The following XPR1 variants were observed in gnomAD, a reference collection of about 807,000 sequenced individuals.
XPR1 encodes xenotropic and polytropic retrovirus receptor 1.
A neutral mutation model predicts 87.5 loss-of-function variants in XPR1; 28 were observed. The ratio of observed to expected loss-of-function variants is 0.32; its 90% CI spans 0.24 to 0.44. The LOEUF (loss-of-function observed/expected upper bound fraction) is 0.44. Among genes scored for constraint, XPR1 ranks in the 20% least tolerant of loss-of-function variants. XPR1 has a pLI of 1.00. For missense variants in XPR1, 559 were observed against 862.3 expected, an observed-to-expected ratio of 0.65 and a Z score of 4.41; for synonymous variants, 300 against 306.1, an observed-to-expected ratio of 0.98 and a Z score of 0.21.
At chr1:180,678,673 C>G (rs1458281138) in intron 1 of XPR1, among the ~76,000 whole-genome samples, 1 of 152,076 alleles carries the variant, frequency 6.6e-6, no homozygotes, top group Non-Finnish European at 1.5e-5. Flanking sequence ...AAAAATACAT[C>G]AATTTAAAAA....
chr1:180,857,534 A>G (rs1652077070), intron 11 of XPR1, among the ~76,000 whole-genome samples: 1 of 152,096 alleles, frequency 6.6e-6, no homozygotes, highest in South Asian at 2.1e-4. Flanking sequence ...AACTTGTTTA[A>G]CTCAAGTCCT....
intron 1 of XPR1, among the ~76,000 whole-genome samples, chr1:180,668,282 C>A (rs181254358): frequency 6.6e-6 from 1 of 152,158 alleles, no homozygotes; most frequent in East Asian, 1.9e-4. Flanking sequence ...GCATATGCCA[C>A]CACGTCTGGC....
At chr1:180,746,128 C>T (rs1220321046) in intron 2 of XPR1, among the ~76,000 whole-genome samples, 2 of 151,780 alleles carry the variant, frequency 1.3e-5, no homozygotes, top group Non-Finnish European at 2.9e-5. Flanking sequence ...TTTAGGTGTA[C>T]CAAGTGGGTT....
At chr1:180,864,734 A>G (rs1402960017) in intron 12 of XPR1, among the ~76,000 whole-genome samples, 1 of 152,192 alleles carries the variant, frequency 6.6e-6, no homozygotes, top group African/African-American at 2.4e-5. Flanking sequence ...AATCAAAAAT[A>G]TCTGTACTCA....
At chr1:180,874,583 G>A (rs558977529) in intron 13 of XPR1, among the ~76,000 whole-genome samples, 6 of 152,056 alleles carry the variant, frequency 3.9e-5, no homozygotes, top group Middle Eastern at 3.4e-3. Context: ...CCAGCTACTC[G>A]GGAGGCTGAG....
chr1:180,813,174 C>G (rs748101581), intron 7 of XPR1, among the ~76,000 whole-genome samples: 1 of 149,288 alleles, frequency 6.7e-6, no homozygotes, highest in Non-Finnish European at 1.5e-5. Flanking sequence ...TGGGCCTTTC[C>G]GATATTATAT....
intron 2 of XPR1, among the ~76,000 whole-genome samples, chr1:180,766,162 T>A (rs886455201): frequency 2.6e-5 from 4 of 152,204 alleles, no homozygotes; most frequent in African/African-American, 9.6e-5. Flanking sequence ...ATTTAATATC[T>A]GCATTTGTTG....
At chr1:180,686,504 G>A (rs757843864) in intron 2 of XPR1, among the ~76,000 whole-genome samples, 4 of 152,066 alleles carry the variant, frequency 2.6e-5, no homozygotes, top group African/African-American at 7.2e-5. Flanking sequence ...TATTAGGTCC[G>A]CTTGGTGCAG....
intron 2 of XPR1, among the ~76,000 whole-genome samples, chr1:180,750,730 A>T (rs145400139): frequency 6.6e-6 from 1 of 152,186 alleles, no homozygotes; most frequent in East Asian, 1.9e-4. Flanking sequence ...AACTTTTCTT[A>T]AATTTCCATA....
At chr1:180,872,852 C>A (rs960190644) in intron 12 of XPR1, among the ~76,000 whole-genome samples, 2 of 152,024 alleles carry the variant, frequency 1.3e-5, no homozygotes, top group South Asian at 4.2e-4. Context: ...CCGGATTATT[C>A]TTATTACACA....
chr1:180,679,255 C>T (rs1656477572), intron 1 of XPR1, among the ~76,000 whole-genome samples: 1 of 152,000 alleles, frequency 6.6e-6, no homozygotes, highest in Non-Finnish European at 1.5e-5. Flanking sequence ...TTTACTTCTT[C>T]CTTTTTGGTA....
intron 11 of XPR1, among the ~76,000 whole-genome samples, chr1:180,848,443 A>G (rs1048673141): frequency 1.3e-5 from 2 of 152,172 alleles, no homozygotes; most frequent in Non-Finnish European, 1.5e-5. Context: ...CTTATTTCAC[A>G]TAATGTAATG....
intron 1 of XPR1, among the ~76,000 whole-genome samples, chr1:180,634,177 C>T (rs578240954): frequency 9.2e-5 from 14 of 152,274 alleles, no homozygotes; most frequent in Non-Finnish European, 1.8e-4. Flanking sequence ...AGGTTGGTCA[C>T]AGAGGGGCAA....
chr1:180,752,969 G>A (rs992052476), intron 2 of XPR1, among the ~76,000 whole-genome samples: 2 of 152,178 alleles, frequency 1.3e-5, no homozygotes, highest in Non-Finnish European at 2.9e-5. Flanking sequence ...GAAGTACCAA[G>A]TAGTTAAAAG....
intron 2 of XPR1, among the ~76,000 whole-genome samples, chr1:180,729,824 A>G (rs1658489549): frequency 6.6e-6 from 1 of 152,118 alleles, no homozygotes; most frequent in Admixed American, 6.5e-5. Flanking sequence ...ATAGTTTGCA[A>G]ATATTTTCTC....
chr1:180,874,253 A>G (rs1157461339), intron 13 of XPR1, among the ~76,000 whole-genome samples: 1 of 152,222 alleles, frequency 6.6e-6, no homozygotes, highest in African/African-American at 2.4e-5. Context: ...AAGCTTCTTT[A>G]GAACGGGGTT....
chr1:180,642,114 C>T (rs1202872322), intron 1 of XPR1, among the ~76,000 whole-genome samples: 2 of 152,084 alleles, frequency 1.3e-5, no homozygotes, highest in Non-Finnish European at 2.9e-5. Context: ...CGGCATTGCC[C>T]TATTTAGTTA....
intron 1 of XPR1, among the ~76,000 whole-genome samples, chr1:180,665,433 T>A (rs1655924761): frequency 6.6e-6 from 1 of 152,216 alleles, no homozygotes; most frequent in Non-Finnish European, 1.5e-5. Flanking sequence ...AGACCATTAC[T>A]GGTCCAGGGC....
At chr1:180,849,066 C>G (rs1651782519) in intron 11 of XPR1, among the ~76,000 whole-genome samples, 1 of 152,152 alleles carries the variant, frequency 6.6e-6, no homozygotes, top group South Asian at 2.1e-4. Flanking sequence ...ATATGTCACT[C>G]TGTATCTTAG....
Sources: gnomAD v4.1 joint callset for allele counts (sites outside exome capture counted in the v4.1 genomes callset) on GRCh38, gnomAD v4.1.1 for gene constraint, MANE v1.5 for transcripts, NCBI Gene and HGNC (gene_info 2026-07-23, HGNC 2026-07-21) for gene names.